Variants in TTC39B observed in about 807,000 individuals in gnomAD.
The protein encoded by TTC39B is tetratricopeptide repeat protein 39B.
A neutral mutation model predicts 96.6 loss-of-function variants in TTC39B; 92 were observed. That is an observed-to-expected ratio of 0.95 (90% CI 0.80 to 1.13). TTC39B has a LOEUF of 1.13. Among genes scored for constraint, TTC39B ranks in the 50% most tolerant of loss-of-function variants. The pLI, the probability that TTC39B is intolerant of heterozygous loss-of-function variation, is 0.00. For missense variants in TTC39B, 955 were observed against 809.3 expected, an observed-to-expected ratio of 1.18 and a Z score of -2.18; for synonymous variants, 367 against 299.4, an observed-to-expected ratio of 1.23 and a Z score of -2.33.
At chr9:15,283,612 C>G (rs1423652376) in intron 1 of TTC39B, among the ~76,000 whole-genome samples, 1 of 151,694 alleles carries the variant, frequency 6.6e-6, no homozygotes, top group African/African-American at 2.4e-5. Context: ...CTAAAGTTAT[C>G]AAGAAGGAAA....
exon 11 of TTC39B, chr9:15,190,557 G>C (rs997364220): frequency 1.2e-6 from 2 of 1,612,144 alleles, no homozygotes; most frequent in Non-Finnish European, 1.7e-6. Flanking sequence ...ATCTTACCAA[G>C]TATTAGGGAG....
intron 3 of TTC39B, among the ~76,000 whole-genome samples, chr9:15,219,883 C>T (rs554719388): frequency 4.4e-4 from 67 of 152,274 alleles, no homozygotes; most frequent in Non-Finnish European, 7.9e-4. Context: ...CAAGGGAGGC[C>T]TGCACTTTAG....
intron 6 of TTC39B, among the ~76,000 whole-genome samples, chr9:15,209,551 A>G (rs12000208): frequency 0.049 from 7,466 of 152,304 alleles, 599 homozygotes; most frequent in African/African-American, 0.16. Flanking sequence ...GGGAATACCT[A>G]TAAATATTGT....
At chr9:15,226,092 A>G (rs1460606927) in intron 2 of TTC39B, 80 bp from the exon 3 acceptor site, 6 of 1,180,806 alleles carry the variant, frequency 5.1e-6, no homozygotes, top group Admixed American at 2.2e-5. Flanking sequence ...ATTACACAAC[A>G]TAAGTCTTCC....
intron 18 of TTC39B, among the ~76,000 whole-genome samples, chr9:15,176,833 G>C (rs1817966279): frequency 6.6e-6 from 1 of 152,102 alleles, no homozygotes; most frequent in Admixed American, 6.6e-5. Context: ...TTACATATCT[G>C]GCCCCTGTAA....
At chr9:15,236,017 G>C (rs1304551912) in intron 2 of TTC39B, among the ~76,000 whole-genome samples, 6 of 152,096 alleles carry the variant, frequency 3.9e-5, no homozygotes, top group African/African-American at 1.4e-4. Context: ...ATACGGAGTA[G>C]CAAACTAGTT....
At chr9:15,303,788 C>T (rs1026517641) in intron 1 of TTC39B, among the ~76,000 whole-genome samples, 7 of 151,982 alleles carry the variant, frequency 4.6e-5, no homozygotes, top group South Asian at 2.1e-4. Context: ...CCCGCCACCA[C>T]GCCCAGCTAA....
intron 3 of TTC39B, among the ~76,000 whole-genome samples, chr9:15,222,859 T>A (rs1367256176): frequency 6.6e-6 from 1 of 152,254 alleles, no homozygotes; most frequent in African/African-American, 2.4e-5. Context: ...AGTAACCTTG[T>A]GTTCAGCCCA....
At chr9:15,260,694 G>A (rs1173505852) in intron 2 of TTC39B, among the ~76,000 whole-genome samples, 1 of 152,124 alleles carries the variant, frequency 6.6e-6, no homozygotes, top group Non-Finnish European at 1.5e-5. Flanking sequence ...AGAAGGTGTG[G>A]AGAAGGAAAA....
intron 6 of TTC39B, among the ~76,000 whole-genome samples, chr9:15,209,867 A>G (rs1820091366): frequency 6.6e-6 from 1 of 152,220 alleles, no homozygotes. Flanking sequence ...ATCCATGAGC[A>G]ACAACAAAAA....
At chr9:15,248,377 G>C (rs1258341986) in intron 2 of TTC39B, among the ~76,000 whole-genome samples, 1 of 152,050 alleles carries the variant, frequency 6.6e-6, no homozygotes, top group African/African-American at 2.4e-5. Flanking sequence ...TCAGATCTGG[G>C]GCAGAATTAG....
At chr9:15,210,665 C>T (rs1373617548) in intron 5 of TTC39B, among the ~76,000 whole-genome samples, 1 of 152,156 alleles carries the variant, frequency 6.6e-6, no homozygotes, top group Non-Finnish European at 1.5e-5. Context: ...TCCCATCCAT[C>T]TGATCAGGGT....
intron 17 of TTC39B, among the ~76,000 whole-genome samples, chr9:15,181,761 C>A (rs1469139771): frequency 6.6e-6 from 1 of 152,214 alleles, no homozygotes; most frequent in African/African-American, 2.4e-5. Flanking sequence ...TGCACGTTTC[C>A]TTGTGCTGCG....
At position 15,211,246 on chromosome 9, in the gene TTC39B, T is replaced by G. The variant is rs775634367; in HGVS notation, c.614+20A>C. ...TAAAAGTTTGCAGTCACATCTTAAG[T>G]ATTTAATGACTCGTCATACTTTTGG... is the stretch of plus-strand genomic sequence containing the variant. On this transcript the variant is annotated intron_variant, in intron 5 of 19. Transcript: ENST00000512701. 1.3e-6 allele frequency: 2 copies of G among 1,496,848 alleles called. No homozygotes were observed. The highest frequency in any genetic ancestry group is 1.8e-6 in the Non-Finnish European group (2 of 1,121,828). The allele number at this position is 1,496,848 out of a possible 1,614,324, so 92.7% of individuals were successfully genotyped here.
chr9:15,189,319 A>G (rs1818715900), intron 13 of TTC39B, among the ~76,000 whole-genome samples: 1 of 152,182 alleles, frequency 6.6e-6, no homozygotes. Context: ...GTTATTTGGT[A>G]TATATTACCC....
intron 2 of TTC39B, among the ~76,000 whole-genome samples, chr9:15,266,167 T>C (rs977095282): frequency 2.0e-5 from 3 of 152,142 alleles, no homozygotes; most frequent in Admixed American, 6.6e-5. Flanking sequence ...TACACAGGAA[T>C]ACTCTGTACT....
chr9:15,220,686 C>T (rs1315474903), intron 3 of TTC39B, among the ~76,000 whole-genome samples: 1 of 151,694 alleles, frequency 6.6e-6, no homozygotes, highest in African/African-American at 2.4e-5. Context: ...TTTTCATTTC[C>T]AAATAATTTC....
chr9:15,209,300 G>T (rs1451464754), intron 6 of TTC39B, among the ~76,000 whole-genome samples: 5 of 152,164 alleles, frequency 3.3e-5, no homozygotes, highest in Non-Finnish European at 7.4e-5. Flanking sequence ...GCAATTGACA[G>T]CAACAGGGGT....
chr9:15,273,768 C>T (rs1269023308), intron 1 of TTC39B, among the ~76,000 whole-genome samples: 2 of 152,166 alleles, frequency 1.3e-5, no homozygotes, highest in African/African-American at 4.8e-5. Flanking sequence ...GTATCATGGA[C>T]TCAAAGAACG....
Sources: gnomAD v4.1 joint callset for allele counts (sites outside exome capture counted in the v4.1 genomes callset) on GRCh38, gnomAD v4.1.1 for gene constraint, MANE v1.5 for transcripts, NCBI Gene and HGNC (gene_info 2026-07-23, HGNC 2026-07-21) for gene names.